CDH8: variants seen among roughly 807,000 people sequenced by gnomAD.
The protein encoded by CDH8 is cadherin-8.
Under a neutral mutation model 68.1 loss-of-function variants are expected in CDH8, and 17 were observed. The observed-to-expected ratio is 0.25, with a 90% CI of 0.17 to 0.37. CDH8 has a LOEUF of 0.37. Among genes scored for constraint, CDH8 ranks in the 10% least tolerant of loss-of-function variants. CDH8 has a pLI of 1.00. For missense variants in CDH8, 763 were observed against 999.3 expected (o/e 0.76, Z 3.19); for synonymous variants, 372 against 365.1 (o/e 1.02, Z -0.21).
chr16:61,783,961 G>T (rs541489952), intron 8 of CDH8, among the ~76,000 whole-genome samples: 7 of 152,092 alleles, frequency 4.6e-5, no homozygotes, highest in Non-Finnish European at 7.3e-5. Flanking sequence ...AGGAACAACC[G>T]GTACCAGCTG....
chr16:61,720,003 AC>A (rs1959205162), intron 9 of CDH8, among the ~76,000 whole-genome samples: 1 of 150,808 alleles, frequency 6.6e-6, no homozygotes, highest in Admixed American at 6.6e-5. Context: ...TAACACACAC[AC>A]ACACACACAC....
chr16:61,717,454 T>C (rs1280589885), intron 9 of CDH8, among the ~76,000 whole-genome samples: 2 of 151,620 alleles, frequency 1.3e-5, no homozygotes, highest in African/African-American at 4.8e-5. Context: ...CTTAAAAATC[T>C]TTCATTGTTT....
intron 2 of CDH8, among the ~76,000 whole-genome samples, chr16:61,943,693 A>T (rs539187668): frequency 3.3e-5 from 5 of 152,352 alleles, no homozygotes; most frequent in Middle Eastern, 3.4e-3. Flanking sequence ...TTTGGAAAAT[A>T]TAAGTGAGAC....
intron 2 of CDH8, among the ~76,000 whole-genome samples, chr16:61,986,959 G>A (rs544742454): frequency 4.6e-4 from 70 of 152,194 alleles, no homozygotes; most frequent in African/African-American, 1.1e-3. Flanking sequence ...CTGATTATTC[G>A]CAACAATAAT....
At chr16:61,742,216 C>T (rs1959892834) in intron 8 of CDH8, among the ~76,000 whole-genome samples, 2 of 152,156 alleles carry the variant, frequency 1.3e-5, no homozygotes, top group South Asian at 4.2e-4. Flanking sequence ...CTCTGACAAC[C>T]ATGCAAACTT....
chr16:61,735,226 T>C (rs1043932728), intron 8 of CDH8, among the ~76,000 whole-genome samples: 2 of 152,076 alleles, frequency 1.3e-5, no homozygotes, highest in African/African-American at 4.8e-5. Flanking sequence ...TCTTGGCAGG[T>C]TTCTGGGGTT....
intron 5 of CDH8, 64 bp downstream of exon 5, chr16:61,824,948 A>T (rs1348766798): frequency 1.0e-5 from 14 of 1,373,984 alleles, no homozygotes; most frequent in African/African-American, 1.5e-5. Flanking sequence ...ACTAAAAATT[A>T]TAATATAAAT....
intron 2 of CDH8, among the ~76,000 whole-genome samples, chr16:61,935,135 C>G (rs1391237573): frequency 6.6e-6 from 1 of 152,088 alleles, no homozygotes; most frequent in Admixed American, 6.6e-5. Context: ...AATACTCCAG[C>G]GTCCTGCAAG....
chr16:61,735,344 C>G (rs982795057), intron 8 of CDH8, among the ~76,000 whole-genome samples: 4 of 151,938 alleles, frequency 2.6e-5, no homozygotes, highest in African/African-American at 4.8e-5. Context: ...TCACAAATAC[C>G]CTTTTGTCCT....
intron 2 of CDH8, among the ~76,000 whole-genome samples, chr16:61,950,692 C>T (rs952459537): frequency 1.3e-5 from 2 of 151,926 alleles, no homozygotes; most frequent in Non-Finnish European, 2.9e-5. Context: ...TCATTAAAAC[C>T]GCATATTCAC....
chr16:61,887,717 T>C (rs1238887179), intron 3 of CDH8, among the ~76,000 whole-genome samples: 2 of 152,148 alleles, frequency 1.3e-5, no homozygotes, highest in African/African-American at 4.8e-5. Context: ...ATTCAACATA[T>C]GAATTTGTGG....
intron 8 of CDH8, among the ~76,000 whole-genome samples, chr16:61,782,788 C>T (rs1567468586): frequency 1.3e-5 from 2 of 152,096 alleles, no homozygotes; most frequent in Non-Finnish European, 2.9e-5. Context: ...ACCCCTGACC[C>T]CTGAGCAGCC....
intron 10 of CDH8, among the ~76,000 whole-genome samples, chr16:61,671,710 T>G (rs1215307963): frequency 6.6e-6 from 1 of 152,104 alleles, no homozygotes; most frequent in Non-Finnish European, 1.5e-5. Context: ...GAGAACGGCA[T>G]GTGCTTTTGA....
At chr16:61,884,287 A>G (rs1227454035) in intron 3 of CDH8, among the ~76,000 whole-genome samples, 1 of 151,888 alleles carries the variant, frequency 6.6e-6, no homozygotes, top group African/African-American at 2.4e-5. Context: ...TTCTCAGCCT[A>G]CTCAACATGA....
chr16:61,904,556 A>C (rs990079114), intron 2 of CDH8, among the ~76,000 whole-genome samples: 6 of 152,240 alleles, frequency 3.9e-5, no homozygotes, highest in African/African-American at 1.4e-4. Flanking sequence ...TGTTTGGTAT[A>C]AACCAAAATG....
intron 7 of CDH8, among the ~76,000 whole-genome samples, chr16:61,800,427 T>C (rs1013900846): frequency 2.0e-5 from 3 of 152,206 alleles, no homozygotes; most frequent in Non-Finnish European, 2.9e-5. Context: ...TTCACTACAG[T>C]CTACACCCTG....
rs140918850 is a variant in CDH8, at chr16:61,946,147, GCA to G, written c.253-44676_253-44675del. On this transcript the variant is annotated intron_variant, in intron 2 of 11. Transcript: ENST00000577390. The stretch of plus-strand genomic sequence containing the variant: ...CAGGAAAACATACACACATGTGCAT[GCA>G]CACACACACAGAGGACCTCTGAAAC... Among the ~76,000 whole-genome samples the G allele has an allele frequency of 4.4e-3, 663 of 152,024 alleles. 7 individuals carry two copies. The highest frequency in any genetic ancestry group is 0.016 in the African/African-American group (644 of 41,484).
chr16:61,927,764 T>C (rs1269373200), intron 2 of CDH8, among the ~76,000 whole-genome samples: 1 of 152,214 alleles, frequency 6.6e-6, no homozygotes. Flanking sequence ...AGACATGGCA[T>C]GAGGGGCCCA....
intron 2 of CDH8, among the ~76,000 whole-genome samples, chr16:61,915,111 T>G (rs939712253): frequency 2.6e-5 from 4 of 152,192 alleles, no homozygotes; most frequent in Admixed American, 6.5e-5. Flanking sequence ...TTCCTTCCTT[T>G]GTAAAATAAG....
Sources: gnomAD v4.1 joint callset for allele counts (sites outside exome capture counted in the v4.1 genomes callset) on GRCh38, gnomAD v4.1.1 for gene constraint, MANE v1.5 for transcripts, NCBI Gene and HGNC (gene_info 2026-07-23, HGNC 2026-07-21) for gene names.